ACOT2: variants seen among roughly 807,000 people sequenced by gnomAD.
ACOT2 encodes the protein acyl-coenzyme A thioesterase 2, mitochondrial.
ACOT2 carries 15 observed loss-of-function variants against 20.1 expected under a neutral mutation model. That is an observed-to-expected ratio of 0.75 (90% CI 0.50 to 1.15). ACOT2 has a LOEUF of 1.15. Ranked by LOEUF, ACOT2 falls within the 50% of genes most tolerant of loss-of-function variation. The pLI is 0.00. For missense variants in ACOT2, 479 were observed against 615.3 expected, an observed-to-expected ratio of 0.78 and a Z score of 2.34; for synonymous variants, 252 against 268.4, an observed-to-expected ratio of 0.94 and a Z score of 0.60.
chr14:73,571,217 A>G (rs1410488338), intron 1 of ACOT2: 3 of 152,688 alleles, frequency 2.0e-5, no homozygotes, highest in African/African-American at 7.2e-5. Flanking sequence ...GTCCCTATGC[A>G]TGGCAGGACC....
chr14:73,575,578 G>A lies in ACOT2; in HGVS notation c.*65G>A. ...CCTGGAAACATCTGCCACATTTAGT[G>A]TGTGTATGTGTATTCATTCTTTTGT... On this transcript the variant is annotated 3_prime_UTR_variant, in exon 3 of 3. Transcript: ENST00000238651. 1.9e-6 allele frequency: 3 copies of A among 1,552,186 alleles called. No homozygotes were observed. Among genetic ancestry groups the A allele is most frequent in the South Asian group, 2.4e-5 (2 of 82,054 alleles).
At chr14:73,574,135 T>G (rs1457061348) in intron 2 of ACOT2, among the ~76,000 whole-genome samples, 1 of 151,544 alleles carries the variant, frequency 6.6e-6, no homozygotes, top group Non-Finnish European at 1.5e-5. Context: ...CCTCCCAGAG[T>G]GCTGGAATTA....
rs189400602 is a variant in ACOT2 at position 73,571,901 on chromosome 14, A to G, written c.644-1487A>G. 2.0e-4 allele frequency among the ~76,000 whole-genome samples: 31 copies of G among 152,202 alleles called. No individual in the cohort carries two copies. In the East Asian group the frequency reaches 4.6e-3, roughly 23 times the overall value. On this transcript the variant is annotated intron_variant, in intron 1 of 2. Coordinates refer to ENST00000238651, the MANE Select transcript of ACOT2 (RefSeq NM_006821.6). ...ATACTTTTATATTACATAAAGAGCA[A>G]TCAGCCAGTGTAAAAATGAAATGAT... is the stretch of plus-strand genomic sequence containing the variant.
intron 2 of ACOT2, chr14:73,574,415 C>A: frequency 4.2e-6 from 1 of 235,294 alleles, no homozygotes; most frequent in Non-Finnish European, 8.4e-6. Flanking sequence ...CAGGCACGTG[C>A]CACTACTGCC....
At chr14:73,570,043 C>T (rs558670966) in intron 1 of ACOT2, among the ~76,000 whole-genome samples, 160 bp downstream of exon 1, 193 of 151,888 alleles carry the variant, frequency 1.3e-3, no homozygotes, top group African/African-American at 4.6e-3. Flanking sequence ...ATCTTCCCGC[C>T]TCTGCCTCCC....
chr14:73,569,976 C>CG (rs1345362349), intron 1 of ACOT2, 93 bp downstream of exon 1: 14 of 1,461,950 alleles, frequency 9.6e-6, no homozygotes, highest in East Asian at 5.0e-5. Flanking sequence ...GTATGCCCCC[C>CG]CGCCGCGCCC....
chr14:73,569,970 GC>G lies in ACOT2; in HGVS notation c.643+94del, dbSNP rs34765603. ...CCCCACGCTTTTCGCTTATGTGTAT[GC>G]CCCCCCGCCGCGCCCCCGGGCTATA... is the stretch of plus-strand genomic sequence containing the variant. On this transcript the variant is annotated intron_variant, in intron 1 of 2. Transcript: ENST00000238651. 53 of 1,458,946 alleles carry G rather than the reference GC, an allele frequency of 3.6e-5. 1 individual carries two copies. Among genetic ancestry groups the G allele is most frequent in the East Asian group, 7.6e-5 (3 of 39,424 alleles). The allele number at this position is 1,458,946 out of a possible 1,614,324, so 90.4% of individuals were successfully genotyped here.
rs372694608 is a variant in ACOT2 at position 73,572,626 on chromosome 14, G to A, written c.644-762G>A. Among the ~76,000 whole-genome samples the A allele has an allele frequency of 7.8e-3, 831 of 107,152 alleles. 1 individual carries two copies. Among genetic ancestry groups the A allele is most frequent in the African/African-American group, 0.029 (766 of 26,218 alleles). 70.3% of individuals were successfully genotyped at this position (107,152 alleles called of 152,430 possible). Reference sequence around the variant, plus strand: ...GAACTATGTCTTAAAAGTGTTGCCTGTAAGGTGTTTGCATTTTTTTTTTTT... The same window carrying A: ...GAACTATGTCTTAAAAGTGTTGCCTATAAGGTGTTTGCATTTTTTTTTTTT... On this transcript the variant is annotated intron_variant, in intron 1 of 2. Coordinates refer to ENST00000238651, the MANE Select transcript of ACOT2 (RefSeq NM_006821.6).
intron 1 of ACOT2, chr14:73,571,159 CGCTG>C (rs1227137598): frequency 2.6e-5 from 4 of 151,702 alleles, no homozygotes; most frequent in African/African-American, 9.8e-5. Flanking sequence ...CCTAGCTCCC[CGCTG>C]GCTGGCTATG....
chr14:73,575,445 A>C lies in ACOT2; in HGVS notation c.1384A>C (p.Lys462Gln), dbSNP rs1555396758. The change falls in exon 3 of 3, where the codon AAA becomes CAA. Residue 462 changes from lysine to glutamine, a missense_variant. Around this residue, in one of 4 missense-constraint regions of ACOT2, gnomAD observed 40 missense variants for 93.4 expected, o/e 0.43. Transcript: ENST00000238651. The part of the protein sequence containing the change: ...AHAMAQVDAW[K>Q]QLQTFFHKHL... The stretch of plus-strand genomic sequence containing the variant: ...TGCCATGGCTCAGGTGGATGCTTGG[A>C]AACAACTCCAGACTTTCTTCCACAA... 3.1e-5 allele frequency: 44 copies of C among 1,427,008 alleles called. No individual in the cohort carries two copies. The South Asian group carries it at 5.9e-4, about 19-fold the overall frequency. The allele number at this position is 1,427,008 out of a possible 1,614,324, so 88.4% of individuals were successfully genotyped here. A position where few individuals can be genotyped will look rare whatever the true frequency, so the allele number is the denominator to read the frequency against.
intron 1 of ACOT2, among the ~76,000 whole-genome samples, chr14:73,572,344 GAA>G (rs938256845): frequency 6.7e-6 from 1 of 148,590 alleles, no homozygotes; most frequent in South Asian, 2.1e-4. Flanking sequence ...CAAAAGAAAA[GAA>G]AAAAAAAGAA....
chr14:73,573,207 G>A (rs1219684031), intron 1 of ACOT2, among the ~76,000 whole-genome samples, 181 bp from the exon 2 acceptor site: 4 of 151,954 alleles, frequency 2.6e-5, no homozygotes, highest in South Asian at 4.2e-4. Flanking sequence ...TGGCTACAAC[G>A]AGTAAAGTCA....
At position 73,569,846 on chromosome 14, in the gene ACOT2, C is replaced by T. The variant is rs747530607; in HGVS notation, c.606C>T (p.Arg202=). The change falls in exon 1 of 3, where the codon CGC becomes CGT. Residue 202 remains arginine (R), a synonymous_variant. Coordinates refer to ENST00000238651, the MANE Select transcript of ACOT2 (RefSeq NM_006821.6). The part of the protein sequence containing the change: ...LPPGVRREPV[R]VGRVRGTLFL... ...CCGGGGTGCGGCGCGAGCCGGTGCG[C>T]GTGGGCCGGGTGCGAGGCACGCTCT... 3.1e-6 allele frequency: 5 copies of T among 1,604,756 alleles called. No individual in the cohort carries two copies. The African/African-American group carries it at 5.4e-5, about 17-fold the overall frequency.
At chr14:73,571,560 A>G (rs1341261559) in intron 1 of ACOT2, 2 of 151,866 alleles carry the variant, frequency 1.3e-5, no homozygotes, top group African/African-American at 4.8e-5. Context: ...TACTGCTTCC[A>G]GACCAGGAAG....
rs373793445 is a variant in ACOT2 at position 73,572,308 on chromosome 14, C to G, written c.644-1080C>G. On this transcript the variant is annotated intron_variant, in intron 1 of 2. Transcript: ENST00000238651. ...AGTCAAAGTGATTGAACTACAGCTACAAGAATCAACATCTATCAAGATATA... is the reference window on the plus strand; with the variant it reads ...AGTCAAAGTGATTGAACTACAGCTAGAAGAATCAACATCTATCAAGATATA... 1.7e-3 allele frequency among the ~76,000 whole-genome samples: 249 copies of G among 150,620 alleles called. 3 individuals are homozygous for G. Among genetic ancestry groups the G allele is most frequent in the South Asian group, 4.9e-3 (23 of 4,726 alleles).
intron 2 of ACOT2, 56 bp from the exon 3 acceptor site, chr14:73,574,852 C>G (rs764454121): frequency 6.2e-6 from 10 of 1,612,504 alleles, no homozygotes; most frequent in Non-Finnish European, 7.6e-6. Context: ...CACAACTCAC[C>G]ATATTCCACT....
At position 73,573,579 on chromosome 14, in the gene ACOT2, A is replaced by G; in HGVS notation, c.835A>G (p.Ser279Gly). The G allele has an allele frequency of 6.2e-7, 1 of 1,613,742 alleles. No homozygotes were observed. The highest frequency in any genetic ancestry group is 8.5e-7 in the Non-Finnish European group (1 of 1,179,700). The change falls in exon 2 of 3, where the codon AGT (serine) becomes GGT (glycine). Residue 279 changes from serine to glycine, a missense_variant. This residue lies in a region of ACOT2 where 400 missense variants were observed against 395.5 expected (regional missense o/e 1.01). Coordinates refer to ENST00000238651, the MANE Select transcript of ACOT2 (RefSeq NM_006821.6). ...TGAAGAAGCCATGAACTACTTGCTC[A>G]GTCATCCCGAGGTTAGTTCTTCTTT... ...YFEEAMNYLLSHPEVKGPGVG... is the reference protein window; with the variant it reads ...YFEEAMNYLLGHPEVKGPGVG...
rs1027223417 is a variant in ACOT2, at chr14:73,569,627, G to A, written c.387G>A (p.Ala129=). The stretch of plus-strand genomic sequence containing the variant: ...AGCTGGACCTGGAGCGCGCGCCCGC[G>A]CTGGGCGGCAGCTTCGCGGGGCTTG... ...LGELDLERAP[A]LGGSFAGLEP... Residue 129 remains alanine, a synonymous_variant, in exon 1 of 3, where the codon GCG becomes GCA. Transcript: ENST00000238651. The A allele has an allele frequency of 2.5e-6, 4 of 1,601,222 alleles. No individual in the cohort carries two copies. In the African/African-American group the frequency reaches 5.4e-5, roughly 22 times the overall value.
chr14:73,571,801 A>G (rs1013731544), intron 1 of ACOT2: 2 of 152,120 alleles, frequency 1.3e-5, no homozygotes, highest in Non-Finnish European at 2.9e-5. Context: ...TTCGCACAGT[A>G]TGTTAAGATT....
Sources: gnomAD v4.1 joint callset for allele counts (sites outside exome capture counted in the v4.1 genomes callset) on GRCh38, gnomAD v4.1.1 for gene constraint, gnomAD v4.1.1 regional missense constraint, MANE v1.5 for transcripts, NCBI Gene and HGNC (gene_info 2026-07-23, HGNC 2026-07-21) for gene names.